SLC12A9: variants seen among roughly 807,000 people sequenced by gnomAD.
SLC12A9 encodes solute carrier family 12 member 9.
SLC12A9 carries 55 observed loss-of-function variants against 66.0 expected under a neutral mutation model. That is an observed-to-expected ratio of 0.83 (90% CI 0.67 to 1.04). The LOEUF is 1.04. Ranked by LOEUF, SLC12A9 falls within the 50% of genes least tolerant of loss-of-function variation. SLC12A9 has a pLI of 0.00. For synonymous variants in SLC12A9, 577 were observed against 569.0 expected (o/e 1.01, Z -0.20); for missense variants, 1,061 against 1,241.9 (o/e 0.85, Z 2.19).
intron 1 of SLC12A9, among the ~76,000 whole-genome samples, chr7:100,836,341 C>A (rs1012967212): frequency 4.6e-5 from 7 of 152,036 alleles, no homozygotes; most frequent in African/African-American, 1.7e-4. Flanking sequence ...CGGGTGGGGC[C>A]GGCACCGAGG....
At chr7:100,832,194 G>A (rs962279299) in intron 1 of SLC12A9, among the ~76,000 whole-genome samples, 8 of 150,012 alleles carry the variant, frequency 5.3e-5, no homozygotes, top group African/African-American at 1.2e-4. Context: ...GCGAGACTCC[G>A]TCCCACTCCC....
chr7:100,864,537 C>CAGCCTGGTTCAAGGG (rs11267282), intron 13 of SLC12A9, among the ~76,000 whole-genome samples: 78,630 of 151,958 alleles, frequency 0.52, 20,980 homozygotes, highest in East Asian at 0.8. Flanking sequence ...CCTGTAAACT[C>CAGCCTGGTTCAAGGG]AGCAATTATC....
intron 1 of SLC12A9, among the ~76,000 whole-genome samples, chr7:100,846,991 C>G (rs1584684634): frequency 1.3e-5 from 2 of 152,080 alleles, no homozygotes; most frequent in East Asian, 1.9e-4. Context: ...TCACGTACCC[C>G]CTGCTTGCTC....
rs1815042533 is a variant in SLC12A9, at chr7:100,865,792, C to T, written c.1932C>T (p.Asp644=). The T allele has an allele frequency of 2.5e-6, 4 of 1,613,890 alleles. No homozygotes were observed. In the African/African-American group the frequency reaches 4.0e-5, roughly 16 times the overall value. ...CACCGCAGGACCATTTCCTGACGGACCCGGCTTTCTCTGAGCCTGCAGACA... is the reference window on the plus strand; with the variant it reads ...CACCGCAGGACCATTTCCTGACGGATCCGGCTTTCTCTGAGCCTGCAGACA... The part of the protein sequence containing the change: ...DAPPQDHFLT[D]PAFSEPADST... Residue 644 remains aspartate (D), a synonymous_variant, in exon 14 of 14, where the codon GAC becomes GAT. Coordinates refer to ENST00000354161, the MANE Select transcript of SLC12A9 (RefSeq NM_020246.4).
At chr7:100,848,989 TG>T (rs976964084), upstream of SLC12A9, among the ~76,000 whole-genome samples, 11 of 151,640 alleles carry the variant, frequency 7.3e-5, no homozygotes, top group East Asian at 3.9e-4. Context: ...GTTAGTTTTT[TG>T]TTTTTTTTTT....
Position 100,861,262 on chromosome 7 carries a change from G to T in SLC12A9, c.1343G>T (p.Arg448Leu), listed in dbSNP as rs1157087414. The T allele has an allele frequency of 6.2e-7, 1 of 1,614,034 alleles. No homozygotes were observed. Among genetic ancestry groups the T allele is most frequent in the African/African-American group, 1.3e-5 (1 of 74,934 alleles). The change falls in exon 10 of 14, where the codon CGC becomes CTC. Residue 448 changes from arginine (R) to leucine (L), a missense_variant and splice_region_variant. By Grantham distance (102) the Arg-to-Leu change is moderately radical. Coordinates refer to ENST00000354161, the MANE Select transcript of SLC12A9 (RefSeq NM_020246.4). The surrounding 1 kb of genome is among the most constrained non-coding windows in gnomAD (Gnocchi z 5.3). ...GAGTGGGCCTCGGCCCCCAACTTCC[G>T]GTGAGAGACTCAGATCTGTGTCCCC... Reference protein sequence around the residue: ...SLEWASAPNFRPTFSLFSWHT... With the variant: ...SLEWASAPNFLPTFSLFSWHT...
In SLC12A9 at chr7:100,862,800, C is replaced by T. The variant is rs753621597; in HGVS notation, c.1831C>T (p.Gln611Ter). The T allele has an allele frequency of 1.2e-6, 2 of 1,614,194 alleles. No individual in the cohort carries two copies. The highest frequency in any genetic ancestry group is 1.7e-5 in the Admixed American group (1 of 60,030). The change falls in exon 13 of 14, where the codon CAG (glutamine) becomes TAG (stop). Residue 611 changes from glutamine (Q) to a stop codon, truncating the protein, a stop_gained. Coordinates refer to ENST00000354161, the MANE Select transcript of SLC12A9 (RefSeq NM_020246.4). LOFTEE classifies it high-confidence loss of function. ...CTCACCCTCCGTGCGCCAGGGGGCT[C>T]AGCATCTGCTGCGAATCTCCGGCCT... ...TLSPSVRQGA[Q>*]HLLRISGLGG... is the part of the protein sequence containing the mutation.
intron 1 of SLC12A9, among the ~76,000 whole-genome samples, chr7:100,836,484 C>G (rs746671649): frequency 2.6e-5 from 4 of 152,148 alleles, no homozygotes; most frequent in Non-Finnish European, 2.9e-5. Context: ...ACCCACCCCC[C>G]GCTCCATTCC....
chr7:100,865,302 T>TA, intron 13 of SLC12A9: 3 of 1,535,874 alleles, frequency 2.0e-6, no homozygotes, highest in Non-Finnish European at 2.6e-6. Flanking sequence ...GGGACGCTAT[T>TA]ACCCTGGGGA....
At chr7:100,849,390 G>A (rs571002003), upstream of SLC12A9, among the ~76,000 whole-genome samples, 81 of 152,090 alleles carry the variant, frequency 5.3e-4, no homozygotes, top group African/African-American at 1.8e-3. Context: ...GGGATGTGGA[G>A]GGAGTGGAAC....
At position 100,860,152 on chromosome 7, in the gene SLC12A9, G is replaced by A. The variant is rs1160631790; in HGVS notation, c.1138G>A (p.Val380Met). Residue 380 changes from valine to methionine, a missense_variant and splice_region_variant, in exon 9 of 14, where the codon GTG becomes ATG. By Grantham distance (21) the Val-to-Met change is conservative. Coordinates refer to ENST00000354161, the MANE Select transcript of SLC12A9 (RefSeq NM_020246.4). ...TGCTGTGGATTCTGTTTTTCTAGGC[G>A]TGATCTTGGCACCGGCCAAGGTTGT... ...HALARDDLFG[V>M]ILAPAKVVSR... 7 of 1,614,070 alleles carry A rather than the reference G, an allele frequency of 4.3e-6. No individual in the cohort carries two copies. The highest frequency in any genetic ancestry group is 2.2e-5 in the South Asian group (2 of 91,088).
chr7:100,842,680 T>C (rs1007615374), intron 1 of SLC12A9, among the ~76,000 whole-genome samples: 3 of 152,246 alleles, frequency 2.0e-5, no homozygotes, highest in African/African-American at 7.2e-5. Flanking sequence ...TAAGACAGGA[T>C]ACCAACATGC....
In SLC12A9 at chr7:100,857,082, G is replaced by A; in HGVS notation, c.663G>A (p.Leu221=). Residue 221 remains leucine, a synonymous_variant, in exon 5 of 14, where the codon TTG becomes TTA. Transcript: ENST00000354161. ...CTGTGGGGCCGAGGGACATCCGCTT[G>A]ACTCCTAGGCCTGGCCCCAATGGCT... ...FVAVGPRDIR[L]TPRPGPNGSS... is the part of the protein sequence containing the mutation. 4 of 1,614,184 alleles carry A rather than the reference G, an allele frequency of 2.5e-6. No homozygotes were observed. The highest frequency in any genetic ancestry group is 3.4e-6 in the Non-Finnish European group (4 of 1,180,040).
intron 1 of SLC12A9, among the ~76,000 whole-genome samples, chr7:100,832,973 A>C (rs761102399): frequency 3.9e-5 from 6 of 152,036 alleles, no homozygotes; most frequent in Admixed American, 6.6e-5. Flanking sequence ...ACAGGGTCTC[A>C]CTATGTTGCG....
chr7:100,856,889 T>G lies in SLC12A9; in HGVS notation c.470T>G (p.Leu157Arg). 6.2e-7 allele frequency: 1 copy of G among 1,604,202 alleles called. No homozygotes were observed. The highest frequency in any genetic ancestry group is 1.3e-5 in the African/African-American group (1 of 74,964). Residue 157 changes from leucine (L) to arginine (R), a missense_variant, in exon 5 of 14, where the codon CTC becomes CGC. Physicochemically the swap from Leu to Arg is moderately radical, Grantham distance 102 (BLOSUM62 -2). Transcript: ENST00000354161. ...CCAGATGCCACAGGGCCCAGTGGGC[T>G]CCGGGTCCTGCCCCAGGGCTACGGC... ...FGADATGPSG[L>R]RVLPQGYGWN...
At chr7:100,856,749 C>G in intron 4 of SLC12A9, 119 bp from the exon 5 acceptor site, 2 of 1,026,438 alleles carry the variant, frequency 1.9e-6, no homozygotes, top group Non-Finnish European at 2.8e-6. Flanking sequence ...TGGACTCAAG[C>G]AATCCTCCCA....
rs202139469 is a variant in SLC12A9, at chr7:100,856,513, TTC to T, written c.449-353_449-352del. 1,426 of 171,632 alleles carry T rather than the reference TTC, an allele frequency of 8.3e-3. 5 individuals are homozygous for T. The highest frequency in any genetic ancestry group is 0.026 in the Middle Eastern group (10 of 380). 10.6% of individuals were successfully genotyped at this position (171,632 alleles called of 1,614,324 possible). On this transcript the variant is annotated intron_variant, in intron 4 of 13. Transcript: ENST00000354161. ...GTGAGCCCCGGCGCCCTGCCCCTTCTTCTTTTTTTTTTTTTTCTTGAGAGAAG... is the reference window on the plus strand; with the variant it reads ...GTGAGCCCCGGCGCCCTGCCCCTTCTTTTTTTTTTTTTTTCTTGAGAGAAG...
chr7:100,856,870 G>A lies in SLC12A9; in HGVS notation c.451G>A (p.Ala151Thr). ...ESVLDVFGAD[A>T]TGPSGLRVLP... ...ACTCTGTCCCTACCTCTCTCCAGAT[G>A]CCACAGGGCCCAGTGGGCTCCGGGT... Residue 151 changes from alanine (A) to threonine (T), a missense_variant and splice_region_variant, in exon 5 of 14, where the codon GCC becomes ACC. Transcript: ENST00000354161. The A allele has an allele frequency of 6.3e-7, 1 of 1,587,666 alleles. No individual in the cohort carries two copies. The highest frequency in any genetic ancestry group is 8.6e-7 in the Non-Finnish European group (1 of 1,168,430).
intron 1 of SLC12A9, among the ~76,000 whole-genome samples, chr7:100,839,898 C>G (rs1224430889): frequency 2.0e-5 from 3 of 151,224 alleles, no homozygotes; most frequent in African/African-American, 4.9e-5. Context: ...AAAAAATTAG[C>G]TGGGCGTGGT....
Sources: gnomAD v4.1 joint callset for allele counts (sites outside exome capture counted in the v4.1 genomes callset) on GRCh38, gnomAD v4.1.1 for gene constraint, Gnocchi (gnomAD v3.1) non-coding constraint, MANE v1.5 for transcripts, NCBI Gene and HGNC (gene_info 2026-07-23, HGNC 2026-07-21) for gene names.